SYNPR: variants seen among roughly 807,000 people sequenced by gnomAD.
SYNPR encodes synaptoporin.
SYNPR carries 23 observed loss-of-function variants against 32.9 expected under a neutral mutation model. The ratio of observed to expected loss-of-function variants is 0.70; its 90% CI spans 0.50 to 0.99. The LOEUF (loss-of-function observed/expected upper bound fraction) is 0.99, where lower values mean the gene tolerates loss of function less well. Among genes scored for constraint, SYNPR ranks in the 50% least tolerant of loss-of-function variants. The pLI is 0.00. For synonymous variants in SYNPR, 146 were observed against 135.9 expected (o/e 1.07, Z -0.52); for missense variants, 318 against 349.3 (o/e 0.91, Z 0.71).
chr3:63,547,801 G>A (rs192968556), intron 3 of SYNPR, among the ~76,000 whole-genome samples: 5 of 152,072 alleles, frequency 3.3e-5, no homozygotes, highest in East Asian at 1.9e-4. Context: ...TCCATTTCTC[G>A]GCCCTACTTC....
chr3:63,348,660 A>G (rs547444445), intron 2 of SYNPR, among the ~76,000 whole-genome samples: 1 of 152,248 alleles, frequency 6.6e-6, no homozygotes, highest in East Asian at 1.9e-4. Flanking sequence ...TTATAGTTTC[A>G]GGTTTTACAT....
intron 2 of SYNPR, among the ~76,000 whole-genome samples, chr3:63,379,830 C>T (rs2087943374): frequency 6.6e-6 from 1 of 152,012 alleles, no homozygotes; most frequent in South Asian, 2.1e-4. Context: ...AATGCTATCC[C>T]TCCCTCCTCC....
intron 2 of SYNPR, among the ~76,000 whole-genome samples, chr3:63,313,137 T>G (rs1392629842): frequency 2.0e-5 from 3 of 152,102 alleles, no homozygotes; most frequent in Non-Finnish European, 2.9e-5. Flanking sequence ...CTGATACCAT[T>G]TATTGAAAGA....
intron 4 of SYNPR, among the ~76,000 whole-genome samples, chr3:63,559,525 T>A (rs765268497): frequency 6.6e-6 from 1 of 152,176 alleles, no homozygotes; most frequent in East Asian, 1.9e-4. Flanking sequence ...ATTTCACAAA[T>A]CCCTATTATA....
intron 3 of SYNPR, among the ~76,000 whole-genome samples, chr3:63,271,219 C>T (rs1390478845): frequency 1.3e-5 from 2 of 152,078 alleles, no homozygotes; most frequent in Non-Finnish European, 2.9e-5. Flanking sequence ...TGGATTCATG[C>T]GTCTTCTCTG....
At chr3:63,405,081 A>C (rs929494515) in intron 2 of SYNPR, among the ~76,000 whole-genome samples, 4 of 152,168 alleles carry the variant, frequency 2.6e-5, no homozygotes, top group African/African-American at 9.6e-5. Context: ...ATTTGATGAC[A>C]TTCCTAAGGA....
chr3:63,416,860 A>G (rs55784221), intron 2 of SYNPR, among the ~76,000 whole-genome samples: 27,231 of 151,934 alleles, frequency 0.18, 4,505 homozygotes, highest in East Asian at 0.53. Context: ...CCATGATTCA[A>G]TTACCTCCCA....
chr3:63,424,963 A>G (rs1023750278), intron 2 of SYNPR, among the ~76,000 whole-genome samples: 12 of 152,216 alleles, frequency 7.9e-5, no homozygotes, highest in South Asian at 2.1e-4. Context: ...TTTTAGCACA[A>G]TGATCCTTCT....
intron 2 of SYNPR, among the ~76,000 whole-genome samples, chr3:63,435,346 C>T (rs1048187949): frequency 1.3e-5 from 2 of 152,134 alleles, no homozygotes; most frequent in Admixed American, 6.5e-5. Context: ...CCATGAACAG[C>T]GCTTAGGCTG....
chr3:63,269,144 G>C (rs949249665), intron 3 of SYNPR, among the ~76,000 whole-genome samples: 2 of 152,150 alleles, frequency 1.3e-5, no homozygotes, highest in Non-Finnish European at 2.9e-5. Flanking sequence ...CCATGGAAAG[G>C]TGGGTGTGGG....
intron 2 of SYNPR, among the ~76,000 whole-genome samples, chr3:63,461,101 C>G (rs1035552998): frequency 3.3e-5 from 5 of 151,902 alleles, no homozygotes; most frequent in Non-Finnish European, 7.4e-5. Flanking sequence ...TCAAATAAGA[C>G]TATTCCCATG....
intron 3 of SYNPR, among the ~76,000 whole-genome samples, chr3:63,540,948 C>T (rs1702291051): frequency 6.7e-6 from 1 of 150,090 alleles, no homozygotes; most frequent in Non-Finnish European, 1.5e-5. Flanking sequence ...CACACACACA[C>T]ACACACACAC....
At chr3:63,580,031 G>C (rs1226565027) in intron 4 of SYNPR, among the ~76,000 whole-genome samples, 1 of 152,048 alleles carries the variant, frequency 6.6e-6, no homozygotes, top group African/African-American at 2.4e-5. Flanking sequence ...AATTGAGCTA[G>C]GAGGTCTCTA....
intron 2 of SYNPR, among the ~76,000 whole-genome samples, chr3:63,307,821 A>G (rs1031312054): frequency 1.3e-5 from 2 of 152,064 alleles, no homozygotes; most frequent in Non-Finnish European, 2.9e-5. Context: ...GGGGAAGCCT[A>G]TTTAGAAAGC....
chr3:63,445,687 G>A, intron 2 of SYNPR: 2 of 536,748 alleles, frequency 3.7e-6, no homozygotes, highest in East Asian at 2.9e-5. Context: ...CCATTTTACA[G>A]ATGAGAAAAT....
intron 2 of SYNPR, among the ~76,000 whole-genome samples, chr3:63,350,090 T>C (rs1420875523): frequency 6.6e-6 from 1 of 152,146 alleles, no homozygotes; most frequent in Non-Finnish European, 1.5e-5. Flanking sequence ...CATTATACTG[T>C]CTCATCTACG....
At chr3:63,471,867 G>A (rs1700806871) in intron 2 of SYNPR, among the ~76,000 whole-genome samples, 1 of 152,316 alleles carries the variant, frequency 6.6e-6, no homozygotes, top group Middle Eastern at 3.4e-3. Context: ...TTGTGAAGCT[G>A]CATGAAAGTG....
intron 3 of SYNPR, among the ~76,000 whole-genome samples, chr3:63,481,741 T>G (rs1701052237): frequency 6.6e-6 from 1 of 152,066 alleles, no homozygotes; most frequent in South Asian, 2.1e-4. Flanking sequence ...TGCAAGTGCA[T>G]GACTTCTGAA....
chr3:63,273,178 T>A (rs1229784686), intron 3 of SYNPR, among the ~76,000 whole-genome samples: 3 of 152,158 alleles, frequency 2.0e-5, no homozygotes, highest in Non-Finnish European at 4.4e-5. Context: ...TTGTTTATGT[T>A]TCGGCAAGAA....
Sources: gnomAD v4.1 joint callset for allele counts (sites outside exome capture counted in the v4.1 genomes callset) on GRCh38, gnomAD v4.1.1 for gene constraint, MANE v1.5 for transcripts, NCBI Gene and HGNC (gene_info 2026-07-23, HGNC 2026-07-21) for gene names.